SLC16A10: variants seen among roughly 807,000 people sequenced by gnomAD.
The protein encoded by SLC16A10 is monocarboxylate transporter 10.
In SLC16A10, 27 loss-of-function variants were observed where a neutral mutation model predicts 40.0. That is an observed-to-expected ratio of 0.67 (90% CI 0.50 to 0.93). The LOEUF is 0.93. SLC16A10 is among the 40% of genes least tolerant of loss of function. The pLI is 0.00. For synonymous variants in SLC16A10, 213 were observed against 249.8 expected, an observed-to-expected ratio of 0.85 and a Z score of 1.39; for missense variants, 529 against 658.2, an observed-to-expected ratio of 0.80 and a Z score of 2.15.
At chr6:111,178,579 A>G (rs1337925511) in intron 3 of SLC16A10, 5 of 341,006 alleles carry the variant, frequency 1.5e-5, no homozygotes, top group Non-Finnish European at 2.2e-5. Context: ...AGAAGGAAGA[A>G]GCAGTGTCTA....
intron 1 of SLC16A10, among the ~76,000 whole-genome samples, chr6:111,168,154 AT>A (rs1772513370): frequency 6.6e-6 from 1 of 151,672 alleles, no homozygotes; most frequent in Admixed American, 6.6e-5. Flanking sequence ...TAATTTTTGT[AT>A]TTTTAGTAGA....
intron 1 of SLC16A10, among the ~76,000 whole-genome samples, chr6:111,124,548 A>C (rs1324853750): frequency 9.2e-5 from 14 of 152,088 alleles, no homozygotes; most frequent in Admixed American, 9.2e-4. Flanking sequence ...TTTTTTGCAG[A>C]GATGAGATTT....
At chr6:111,219,347 C>T (rs1297620935) in intron 5 of SLC16A10, among the ~76,000 whole-genome samples, 1 of 151,876 alleles carries the variant, frequency 6.6e-6, no homozygotes, top group Non-Finnish European at 1.5e-5. Context: ...CATAGTGAGA[C>T]ACTATCTCTA....
Position 111,116,286 on chromosome 6 carries a change from C to T in SLC16A10, c.343+28191C>T, listed in dbSNP as rs200456296. 1.4e-4 allele frequency among the ~76,000 whole-genome samples: 22 copies of T among 151,994 alleles called. No homozygotes were observed. In the East Asian group the frequency reaches 2.1e-3, roughly 15 times the overall value. ...AGGCTGGAGTGCAGTGGCGCAATCT[C>T]GGCTCACTGAAACCTCCGCCACCTG... On this transcript the variant is annotated intron_variant, in intron 1 of 5. Transcript: ENST00000368851.
In SLC16A10 at chr6:111,228,542, T is replaced by C. The variant is rs1393653540; in HGVS notation, c.*6307T>C. 6.6e-6 allele frequency: 1 copy of C among 152,222 alleles called. No individual in the cohort carries two copies. Among genetic ancestry groups the C allele is most frequent in the Non-Finnish European group, 1.5e-5 (1 of 68,040 alleles). The allele number at this position is 152,222 out of a possible 1,614,324, so 9.4% of individuals were successfully genotyped here. On this transcript the variant is annotated 3_prime_UTR_variant, in exon 6 of 6. Transcript: ENST00000368851. Reference sequence around the variant, plus strand: ...CTCAAATTAGATTGGTAATACTATTTTGGAGCCTGTGATGTATGACTTTTA... The same window carrying C: ...CTCAAATTAGATTGGTAATACTATTCTGGAGCCTGTGATGTATGACTTTTA...
intron 3 of SLC16A10, among the ~76,000 whole-genome samples, chr6:111,199,517 G>A (rs1198733157): frequency 6.6e-6 from 1 of 151,000 alleles, no homozygotes; most frequent in Admixed American, 6.6e-5. Context: ...TAAACTAACA[G>A]ATTAAACCTT....
chr6:111,145,482 G>C (rs1301142238), intron 1 of SLC16A10, among the ~76,000 whole-genome samples: 1 of 152,114 alleles, frequency 6.6e-6, no homozygotes, highest in Non-Finnish European at 1.5e-5. Context: ...AATTAAGTGG[G>C]GGAAGAATAG....
intron 1 of SLC16A10, among the ~76,000 whole-genome samples, chr6:111,138,795 G>T (rs1476895340): frequency 6.6e-6 from 1 of 152,026 alleles, no homozygotes; most frequent in Non-Finnish European, 1.5e-5. Context: ...GGCAGTGCTC[G>T]TTGAATGTTC....
At chr6:111,141,881 A>T (rs1357320241) in intron 1 of SLC16A10, among the ~76,000 whole-genome samples, 2 of 152,228 alleles carry the variant, frequency 1.3e-5, no homozygotes. Flanking sequence ...TTTCATCTTT[A>T]TCTATAGATT....
chr6:111,158,039 A>C (rs1326080565), intron 1 of SLC16A10, among the ~76,000 whole-genome samples: 1 of 152,140 alleles, frequency 6.6e-6, no homozygotes, highest in Non-Finnish European at 1.5e-5. Flanking sequence ...AGAGGGCATA[A>C]CAGAGAGCTA....
chr6:111,099,518 T>C (rs1771136339), intron 1 of SLC16A10, among the ~76,000 whole-genome samples: 1 of 151,968 alleles, frequency 6.6e-6, no homozygotes, highest in Admixed American at 6.5e-5. Flanking sequence ...TCTCACCACG[T>C]TGCCCAGGTT....
chr6:111,198,048 A>G (rs1441503866), intron 3 of SLC16A10, among the ~76,000 whole-genome samples: 1 of 152,192 alleles, frequency 6.6e-6, no homozygotes, highest in Non-Finnish European at 1.5e-5. Context: ...GCACTTTGAG[A>G]GGCCGAGGCA....
At chr6:111,124,469 C>G (rs1223411447) in intron 1 of SLC16A10, among the ~76,000 whole-genome samples, 1 of 152,042 alleles carries the variant, frequency 6.6e-6, no homozygotes, top group Non-Finnish European at 1.5e-5. Flanking sequence ...TCAAGTGACC[C>G]TCCCACCTCA....
At chr6:111,175,317 G>C (rs942847005) in intron 2 of SLC16A10, among the ~76,000 whole-genome samples, 1 of 152,182 alleles carries the variant, frequency 6.6e-6, no homozygotes, top group Non-Finnish European at 1.5e-5. Flanking sequence ...TTCAGCAGTA[G>C]TGCAAATACC....
chr6:111,135,295 C>G (rs943082865), intron 1 of SLC16A10, among the ~76,000 whole-genome samples: 1 of 152,134 alleles, frequency 6.6e-6, no homozygotes, highest in African/African-American at 2.4e-5. Context: ...CTTTCCCTAC[C>G]AAAGGCAGTA....
At position 111,224,617 on chromosome 6, in the gene SLC16A10, TATA is replaced by T. The variant is rs1392513340; in HGVS notation, c.*2389_*2391del. On this transcript the variant is annotated 3_prime_UTR_variant, in exon 6 of 6. Transcript: ENST00000368851. ...TAGACTCATACGGAGAATACTCTGC[TATA>T]ATAATATAAAATTAAGAAGAAAAAG... 1 of 152,192 alleles carries T rather than the reference TATA, an allele frequency of 6.6e-6. No individual in the cohort carries two copies. The highest frequency in any genetic ancestry group is 6.5e-5 in the Admixed American group (1 of 15,276). 9.4% of individuals were successfully genotyped at this position (152,192 alleles called of 1,614,324 possible).
chr6:111,183,406 A>G (rs1234103371), intron 3 of SLC16A10, among the ~76,000 whole-genome samples: 1 of 152,196 alleles, frequency 6.6e-6, no homozygotes, highest in Non-Finnish European at 1.5e-5. Flanking sequence ...AAACACCACA[A>G]GGGTAAGGAT....
rs138353431 is a variant in SLC16A10 at position 111,100,082 on chromosome 6, A to T, written c.343+11987A>T. ...ATAGACAAAGCAGGGGAAGGAAAAG[A>T]TTATGTTTCAAATGTTCATTTAAAC... On this transcript the variant is annotated intron_variant, in intron 1 of 5. Coordinates refer to ENST00000368851, the MANE Select transcript of SLC16A10 (RefSeq NM_018593.5). Among the ~76,000 whole-genome samples the T allele has an allele frequency of 2.0e-5, 3 of 151,932 alleles. No individual in the cohort carries two copies. In the East Asian group the frequency reaches 5.8e-4, roughly 29 times the overall value.
chr6:111,157,308 G>T (rs975872330), intron 1 of SLC16A10, among the ~76,000 whole-genome samples: 3 of 151,856 alleles, frequency 2.0e-5, no homozygotes, highest in Non-Finnish European at 4.4e-5. Context: ...TTTTGAGATG[G>T]AGTCTTGTAC....
Sources: gnomAD v4.1 joint callset for allele counts (sites outside exome capture counted in the v4.1 genomes callset) on GRCh38, gnomAD v4.1.1 for gene constraint, MANE v1.5 for transcripts, NCBI Gene and HGNC (gene_info 2026-07-23, HGNC 2026-07-21) for gene names.